RPTOR: variants seen among roughly 807,000 people sequenced by gnomAD.
RPTOR encodes regulatory-associated protein of mTOR.
A neutral mutation model predicts 169.9 loss-of-function variants in RPTOR; 21 were observed. The ratio of observed to expected loss-of-function variants is 0.12; its 90% CI spans 0.09 to 0.18. RPTOR has a LOEUF of 0.18. Ranked by LOEUF, RPTOR falls within the 10% of genes least tolerant of loss-of-function variation. The pLI is 1.00. For missense variants in RPTOR, 1,133 were observed against 1,855.9 expected (o/e 0.61, Z 7.16); for synonymous variants, 732 against 753.2 (o/e 0.97, Z 0.46).
At position 80,823,263 on chromosome 17, in the gene RPTOR, C is replaced by T; in HGVS notation, c.1136+40C>T. The T allele has an allele frequency of 6.2e-7, 1 of 1,604,824 alleles. No homozygotes were observed. ...ATCCTCCAGGTGCCGTGCTCCCCCG[C>T]CCTCCGTGGCACTGTGATGTCATGG... On this transcript the variant is annotated intron_variant, in intron 9 of 33. Transcript: ENST00000306801. This position sits in a 1 kb window ranked among gnomAD's most constrained non-coding sequence, Gnocchi z 4.5.
Position 80,947,866 on chromosome 17 carries a change from G to A in RPTOR, c.3265+515G>A, listed in dbSNP as rs927775601. 3.3e-5 allele frequency among the ~76,000 whole-genome samples: 5 copies of A among 152,224 alleles called. No homozygotes were observed. The highest frequency in any genetic ancestry group is 1.3e-4 in the Admixed American group (2 of 15,286). On this transcript the variant is annotated intron_variant, in intron 27 of 33. Transcript: ENST00000306801. The surrounding 1 kb of genome is among the most constrained non-coding windows in gnomAD (Gnocchi z 4.4). ...CATGGTCGCTGACCAGTGGTTCATT[G>A]CCGTAGTGGGTCTCACTCAGGTTTT...
intron 7 of RPTOR, among the ~76,000 whole-genome samples, chr17:80,806,257 C>A (rs1274111021): frequency 4.6e-5 from 7 of 152,124 alleles, no homozygotes; most frequent in Non-Finnish European, 1.0e-4. Flanking sequence ...ACAACTGCTT[C>A]CTTTAAGTCA....
At chr17:80,886,943 G>T (rs906254264) in intron 17 of RPTOR, among the ~76,000 whole-genome samples, 2 of 152,206 alleles carry the variant, frequency 1.3e-5, no homozygotes, top group Non-Finnish European at 2.9e-5. Context: ...GAGAAATACT[G>T]CCTGGAGTGC....
At chr17:80,595,343 T>C (rs975846449) in intron 1 of RPTOR, among the ~76,000 whole-genome samples, 2 of 152,234 alleles carry the variant, frequency 1.3e-5, no homozygotes, top group African/African-American at 4.8e-5. Context: ...GATAGAAGTC[T>C]TGAAGCCTGC....
At chr17:80,634,648 GTATGTGCGTACTGTGTGTGTGCGTAC>G (rs2065485222) in intron 2 of RPTOR, among the ~76,000 whole-genome samples, 1 of 116,698 alleles carries the variant, frequency 8.6e-6, no homozygotes, top group Non-Finnish European at 1.8e-5. Flanking sequence ...TGTGCATACT[GTATGTGCGTACTGTGTGTGTGCGTAC>G]TGTGTGTGCG....
At position 80,960,178 on chromosome 17, in the gene RPTOR, A is replaced by T. The variant is rs550538333; in HGVS notation, c.3578A>T (p.Tyr1193Phe). 6.2e-7 allele frequency: 1 copy of T among 1,613,522 alleles called. No homozygotes were observed. The highest frequency in any genetic ancestry group is 1.1e-5 in the South Asian group (1 of 91,082). The change falls in exon 30 of 34, where the codon TAC (tyrosine) becomes TTC (phenylalanine). Residue 1193 changes from tyrosine (Y) to phenylalanine (F), a missense_variant. Coordinates refer to ENST00000306801, the MANE Select transcript of RPTOR (RefSeq NM_020761.3). The surrounding 1 kb of genome is among the most constrained non-coding windows in gnomAD (Gnocchi z 4.8). ...AGLGDGSIRV[Y>F]DRRMALSECR... ...CTCGGTGACGGCTCCATCCGCGTCT[A>T]CGACAGAAGGATGGCACTCAGCGAA...
At chr17:80,942,421 G>T (rs2069043662) in intron 25 of RPTOR, among the ~76,000 whole-genome samples, 1 of 150,546 alleles carries the variant, frequency 6.6e-6, no homozygotes, top group Admixed American at 6.7e-5. Flanking sequence ...CCAAAAAAAA[G>T]AATATATTTG....
chr17:80,685,200 C>CACCTCATCCGGAG (rs1567856245), intron 3 of RPTOR, among the ~76,000 whole-genome samples: 1 of 151,560 alleles, frequency 6.6e-6, no homozygotes. Flanking sequence ...TTCAGGGTCG[C>CACCTCATCCGGAG]TTGTTGCGTT....
At chr17:80,783,491 C>A (rs933388636) in intron 6 of RPTOR, among the ~76,000 whole-genome samples, 1 of 152,194 alleles carries the variant, frequency 6.6e-6, no homozygotes, top group African/African-American at 2.4e-5. Flanking sequence ...TTTTAAAAAA[C>A]TGACATTTTT....
At chr17:80,897,597 A>G (rs1055890231) in intron 20 of RPTOR, among the ~76,000 whole-genome samples, 2 of 152,196 alleles carry the variant, frequency 1.3e-5, no homozygotes, top group African/African-American at 2.4e-5. Flanking sequence ...CAGCGTGGTA[A>G]TGTCCCCTGA....
chr17:80,875,015 G>A (rs1196154672), intron 13 of RPTOR, among the ~76,000 whole-genome samples: 1 of 152,214 alleles, frequency 6.6e-6, no homozygotes, highest in Non-Finnish European at 1.5e-5. Context: ...GGGTGTTCGC[G>A]TGAAATGGCT....
At chr17:80,839,885 A>T (rs1294251097) in intron 10 of RPTOR, among the ~76,000 whole-genome samples, 1 of 152,186 alleles carries the variant, frequency 6.6e-6, no homozygotes, top group Non-Finnish European at 1.5e-5. Flanking sequence ...GTTTCTTTTC[A>T]AGGATTTTAC....
At chr17:80,590,811 T>A (rs572852632) in intron 1 of RPTOR, among the ~76,000 whole-genome samples, 1 of 152,258 alleles carries the variant, frequency 6.6e-6, no homozygotes, top group African/African-American at 2.4e-5. Context: ...ACCAAGGTCA[T>A]GCTATTCCAA....
chr17:80,880,586 A>G lies in RPTOR; in HGVS notation c.1584+97A>G, dbSNP rs1202263224. 7 of 1,171,634 alleles carry G rather than the reference A, an allele frequency of 6.0e-6. No individual in the cohort carries two copies. The Admixed American group carries it at 1.1e-4, about 19-fold the overall frequency. 72.6% of individuals were successfully genotyped at this position (1,171,634 alleles called of 1,614,324 possible). On this transcript the variant is annotated intron_variant, in intron 14 of 33. Coordinates refer to ENST00000306801, the MANE Select transcript of RPTOR (RefSeq NM_020761.3). ...GGTGGGGCCTTTTGACGGGGGCTAC[A>G]GGAGAAAGGTCAAGGGTCACAGCAG...
intron 10 of RPTOR, among the ~76,000 whole-genome samples, chr17:80,841,689 G>A (rs72490479): frequency 0.46 from 43,454 of 94,698 alleles, 13,370 homozygotes; most frequent in Non-Finnish European, 0.6. Context: ...CTCACCGCAC[G>A]GCATCTCACT....
intron 17 of RPTOR, among the ~76,000 whole-genome samples, chr17:80,889,701 CAGGA>C (rs1304817012): frequency 6.6e-6 from 1 of 152,174 alleles, no homozygotes; most frequent in Non-Finnish European, 1.5e-5. Flanking sequence ...CAGCTCCATT[CAGGA>C]AGGGCAGGAA....
rs2069313534 is a variant in RPTOR, at chr17:80,959,959, G to T, written c.3478-119G>T. On this transcript the variant is annotated intron_variant, in intron 29 of 33. Coordinates refer to ENST00000306801, the MANE Select transcript of RPTOR (RefSeq NM_020761.3). This position sits in a 1 kb window ranked among gnomAD's most constrained non-coding sequence, Gnocchi z 6.7. ...CTGGATAGAGAGAAAGGCCCCTGCA[G>T]CCAGGGAGGGTGATCCCCACAGCCA... 2.4e-6 allele frequency: 3 copies of T among 1,274,772 alleles called. No homozygotes were observed. 79.0% of individuals were successfully genotyped at this position (1,274,772 alleles called of 1,614,324 possible).
intron 20 of RPTOR, among the ~76,000 whole-genome samples, chr17:80,900,238 A>G (rs7223334): frequency 0.73 from 110,125 of 151,872 alleles, 40,347 homozygotes; most frequent in Admixed American, 0.78. Context: ...CAGCCACCTG[A>G]GCCAGCAGCT....
chr17:80,814,912 G>A (rs2067308333), intron 7 of RPTOR, among the ~76,000 whole-genome samples: 1 of 152,176 alleles, frequency 6.6e-6, no homozygotes, highest in African/African-American at 2.4e-5. Context: ...AGTGTCCTGA[G>A]AGGAGGCCGG....
Sources: allele counts gnomAD v4.1 joint callset (sites outside exome capture counted in the v4.1 genomes callset), GRCh38; gene constraint gnomAD v4.1.1; non-coding constraint Gnocchi (gnomAD v3.1); transcripts MANE v1.5; gene names NCBI Gene and HGNC (gene_info 2026-07-23, HGNC 2026-07-21).